CABIN1: variants seen among roughly 807,000 people sequenced by gnomAD.
The protein encoded by CABIN1 is calcineurin-binding protein cabin-1.
Under a neutral mutation model 227.7 loss-of-function variants are expected in CABIN1, and 133 were observed. That is an observed-to-expected ratio of 0.58 (90% CI 0.51 to 0.67). The LOEUF (loss-of-function observed/expected upper bound fraction) is 0.67. CABIN1 is among the 30% of genes least tolerant of loss of function. CABIN1 has a pLI of 0.00. For missense variants in CABIN1, 2,408 were observed against 2,852.5 expected (o/e 0.84, Z 3.55); for synonymous variants, 1,086 against 1,155.1 (o/e 0.94, Z 1.21).
intron 1 of CABIN1, among the ~76,000 whole-genome samples, chr22:24,031,949 A>G (rs1393183562): frequency 2.0e-5 from 3 of 152,172 alleles, no homozygotes; most frequent in African/African-American, 7.2e-5. Context: ...AAACTATTCT[A>G]TTGATTGTTT....
chr22:24,118,835 C>T (rs1464528640), intron 27 of CABIN1, among the ~76,000 whole-genome samples: 1 of 152,204 alleles, frequency 6.6e-6, no homozygotes. Context: ...GCTGGGTGTT[C>T]AGGAGCTGGG....
At position 24,164,428 on chromosome 22, in the gene CABIN1, T is replaced by TA. The variant is rs1332055963; in HGVS notation, c.4775_4776insA (p.Asp1593Ter). ...ATCTGGCGGATCCCCGTGGACGAGA[T>TA]TGACCGGCCGGGCAGCTTTGCCTGG... On this transcript the variant is annotated frameshift_variant, in exon 30 of 37. Coordinates refer to ENST00000263119, the MANE Select transcript of CABIN1 (RefSeq NM_012295.4). LOFTEE classifies it high-confidence loss of function. 1 of 1,604,998 alleles carries TA rather than the reference T, an allele frequency of 6.2e-7. No homozygotes were observed. Among genetic ancestry groups the TA allele is most frequent in the Non-Finnish European group, 8.5e-7 (1 of 1,179,958 alleles).
intron 4 of CABIN1, among the ~76,000 whole-genome samples, chr22:24,039,148 G>A (rs1432449465): frequency 6.6e-6 from 1 of 152,162 alleles, no homozygotes; most frequent in South Asian, 2.1e-4. Context: ...AGGAGGAAAG[G>A]CGTTTGTTTT....
intron 27 of CABIN1, among the ~76,000 whole-genome samples, chr22:24,118,396 G>T (rs1385141404): frequency 6.6e-6 from 1 of 152,146 alleles, no homozygotes; most frequent in East Asian, 1.9e-4. Context: ...GACTTAGCAT[G>T]CGGAGAACTG....
chr22:24,107,739 C>T (rs1337727564), intron 26 of CABIN1, among the ~76,000 whole-genome samples: 1 of 152,230 alleles, frequency 6.6e-6, no homozygotes, highest in Non-Finnish European at 1.5e-5. Flanking sequence ...ATGATCACAG[C>T]TGGGATTCCA....
Position 24,164,498 on chromosome 22 carries a change from G to C in CABIN1, c.4845G>C (p.Gln1615His), listed in dbSNP as rs2046337536. The change falls in exon 30 of 37, where the codon CAG becomes CAC. Residue 1615 changes from glutamine (Q) to histidine (H), a missense_variant. Physicochemically the swap from Gln to His is conservative, Grantham distance 24 (BLOSUM62 0). This residue lies in a region of CABIN1 where 649 missense variants were observed against 910.3 expected (regional missense o/e 0.71). Coordinates refer to ENST00000263119, the MANE Select transcript of CABIN1 (RefSeq NM_012295.4). ...SIVLLLKVLA[Q>H]LRDHSTLLKV... ...TGCTGCTGCTCAAGGTGCTGGCCCAGCTGCGGGACCACAGCACCCTGCTGA... is the reference window on the plus strand; with the variant it reads ...TGCTGCTGCTCAAGGTGCTGGCCCACCTGCGGGACCACAGCACCCTGCTGA... 1 of 1,606,180 alleles carries C rather than the reference G, an allele frequency of 6.2e-7. No homozygotes were observed. Among genetic ancestry groups the C allele is most frequent in the African/African-American group, 1.3e-5 (1 of 74,910 alleles).
At chr22:24,074,886 T>A (rs1435074189) in intron 18 of CABIN1, among the ~76,000 whole-genome samples, 1 of 152,116 alleles carries the variant, frequency 6.6e-6, no homozygotes, top group Non-Finnish European at 1.5e-5. Context: ...ATTGGAACAA[T>A]TGGTTGCATT....
chr22:24,092,040 T>A (rs2041581142), intron 24 of CABIN1, 197 bp downstream of exon 24: 4 of 666,628 alleles, frequency 6.0e-6, no homozygotes, highest in Non-Finnish European at 1.0e-5. Context: ...TCATCCTTTC[T>A]GGGAGAGTGA....
At chr22:24,123,520 T>C (rs761525108) in intron 28 of CABIN1, among the ~76,000 whole-genome samples, 1 of 152,204 alleles carries the variant, frequency 6.6e-6, no homozygotes, top group Non-Finnish European at 1.5e-5. Flanking sequence ...TGAGCACCAG[T>C]TACCACCACC....
At chr22:24,011,528 G>A (rs1254678952) in intron 1 of CABIN1, 161 bp downstream of exon 1, 1 of 152,306 alleles carries the variant, frequency 6.6e-6, no homozygotes, top group East Asian at 1.9e-4. Flanking sequence ...GGGAAACCGA[G>A]GCCGGGCTTC....
At chr22:24,087,400 C>T (rs945429283) in intron 22 of CABIN1, 52 bp from the exon 23 acceptor site, 2 of 1,607,124 alleles carry the variant, frequency 1.2e-6, no homozygotes, top group Non-Finnish European at 1.7e-6. Context: ...CATTATCTTC[C>T]ATGCTTTTCA....
At chr22:24,028,460 G>A (rs2036256799) in intron 1 of CABIN1, among the ~76,000 whole-genome samples, 1 of 152,226 alleles carries the variant, frequency 6.6e-6, no homozygotes, top group African/African-American at 2.4e-5. Flanking sequence ...TCTGCATTGA[G>A]GTACTTCTGA....
intron 24 of CABIN1, among the ~76,000 whole-genome samples, chr22:24,094,598 A>C (rs1264068596): frequency 2.6e-5 from 4 of 151,688 alleles, no homozygotes; most frequent in Non-Finnish European, 5.9e-5. Context: ...CGGGTGGATC[A>C]TGAGGTCAGG....
At chr22:24,086,775 A>G (rs2041198045) in intron 22 of CABIN1, among the ~76,000 whole-genome samples, 2 of 152,036 alleles carry the variant, frequency 1.3e-5, no homozygotes. Context: ...TGTTCTCACT[A>G]TCAGTTTCTT....
Position 24,083,240 on chromosome 22 carries a change from C to T in CABIN1, c.2761C>T (p.Gln921Ter), listed in dbSNP as rs12166151. The T allele has an allele frequency of 6.2e-7, 1 of 1,612,324 alleles. No individual in the cohort carries two copies. The highest frequency in any genetic ancestry group is 8.5e-7 in the Non-Finnish European group (1 of 1,180,016). ...CTGCCCACCACAGGTGCGAGTACTCCAGAAGGAACTGGCTGCATCCACCTC... is the reference window on the plus strand; with the variant it reads ...CTGCCCACCACAGGTGCGAGTACTCTAGAAGGAACTGGCTGCATCCACCTC... ...ALLRFYVRVLQKELAASTSED... is the reference protein window; with the variant it reads ...ALLRFYVRVL The change falls in exon 20 of 37, where the codon CAG becomes TAG. Residue 921 changes from glutamine to a stop codon, truncating the protein, a stop_gained. Coordinates refer to ENST00000263119, the MANE Select transcript of CABIN1 (RefSeq NM_012295.4). LOFTEE classifies it high-confidence loss of function.
intron 6 of CABIN1, among the ~76,000 whole-genome samples, chr22:24,046,213 G>A (rs2037868286): frequency 6.6e-6 from 1 of 152,110 alleles, no homozygotes; most frequent in South Asian, 2.1e-4. Flanking sequence ...CAGTCTCTAT[G>A]TCTTGTTATT....
chr22:24,051,218 G>A (rs984236629), intron 8 of CABIN1, among the ~76,000 whole-genome samples: 1 of 152,140 alleles, frequency 6.6e-6, no homozygotes, highest in African/African-American at 2.4e-5. Flanking sequence ...CTTGACCCCA[G>A]CCACCTGCCA....
At chr22:24,061,796 A>G in intron 12 of CABIN1, 151 bp from the exon 13 acceptor site, 2 of 693,906 alleles carry the variant, frequency 2.9e-6, no homozygotes, top group South Asian at 3.0e-5. Context: ...GCGAGTAGCC[A>G]CTGATTATCA....
At chr22:24,134,960 C>A (rs2148209330) in intron 29 of CABIN1, among the ~76,000 whole-genome samples, 1 of 151,630 alleles carries the variant, frequency 6.6e-6, no homozygotes, top group African/African-American at 2.4e-5. Context: ...CGCCATAATC[C>A]CAGCTACTCA....
Sources: gnomAD v4.1 joint callset for allele counts (sites outside exome capture counted in the v4.1 genomes callset) on GRCh38, gnomAD v4.1.1 for gene constraint, gnomAD v4.1.1 regional missense constraint, MANE v1.5 for transcripts, NCBI Gene and HGNC (gene_info 2026-07-23, HGNC 2026-07-21) for gene names.